ZNF609: variants seen among roughly 807,000 people sequenced by gnomAD.
ZNF609 encodes the protein zinc finger protein 609.
Under a neutral mutation model 109.5 loss-of-function variants are expected in ZNF609, and 11 were observed. That is an observed-to-expected ratio of 0.10 (90% CI 0.06 to 0.17). The LOEUF is 0.17. Ranked by LOEUF, ZNF609 falls within the 10% of genes least tolerant of loss-of-function variation. ZNF609 has a pLI of 1.00. For synonymous variants in ZNF609, 646 were observed against 662.0 expected (o/e 0.98, Z 0.37); for missense variants, 1,559 against 1,772.4 (o/e 0.88, Z 2.16).
At chr15:64,636,986 T>G (rs948430071) in intron 3 of ZNF609, among the ~76,000 whole-genome samples, 1 of 152,210 alleles carries the variant, frequency 6.6e-6, no homozygotes, top group Admixed American at 6.5e-5. Context: ...GAACACACCA[T>G]GTGATACCAG....
intron 1 of ZNF609, among the ~76,000 whole-genome samples, chr15:64,496,334 AT>A (rs1748727680): frequency 2.0e-5 from 3 of 152,172 alleles, no homozygotes; most frequent in African/African-American, 7.2e-5. Context: ...GGAAAGTTTT[AT>A]TGTTTTTCTA....
chr15:64,619,557 G>A (rs1316891650), intron 2 of ZNF609, among the ~76,000 whole-genome samples: 1 of 152,178 alleles, frequency 6.6e-6, no homozygotes, highest in Non-Finnish European at 1.5e-5. Context: ...AATGGAAAAT[G>A]AATAGTTCAA....
intron 5 of ZNF609, among the ~76,000 whole-genome samples, chr15:64,677,708 C>T (rs1442247384): frequency 6.6e-6 from 1 of 152,204 alleles, no homozygotes; most frequent in Non-Finnish European, 1.5e-5. Context: ...ATGCTTCCCT[C>T]CCTCCTCTGA....
intron 2 of ZNF609, among the ~76,000 whole-genome samples, chr15:64,564,890 C>T (rs1402132260): frequency 2.0e-5 from 3 of 151,622 alleles, no homozygotes; most frequent in African/African-American, 7.3e-5. Context: ...CTCTGTTGCC[C>T]AGGCTGGAGT....
intron 1 of ZNF609, among the ~76,000 whole-genome samples, chr15:64,464,540 T>C (rs2140326030): frequency 6.6e-6 from 1 of 152,340 alleles, no homozygotes; most frequent in East Asian, 1.9e-4. Flanking sequence ...AGTTTTCTTT[T>C]CAGTCTCTTA....
chr15:64,513,439 T>C (rs1011966526), intron 2 of ZNF609, among the ~76,000 whole-genome samples: 1 of 152,240 alleles, frequency 6.6e-6, no homozygotes, highest in African/African-American at 2.4e-5. Context: ...AGAAGGAGAC[T>C]GAGAAATTCT....
intron 2 of ZNF609, among the ~76,000 whole-genome samples, chr15:64,524,009 C>CG: frequency 6.8e-6 from 1 of 147,926 alleles, no homozygotes; most frequent in South Asian, 2.1e-4. Flanking sequence ...ACAGGTTATA[C>CG]GGGTTTTTTT....
Position 64,678,187 on chromosome 15 carries a change from G to A in ZNF609, c.3474G>A (p.Arg1158=), listed in dbSNP as rs760740607. The A allele has an allele frequency of 1.9e-6, 3 of 1,614,220 alleles. No homozygotes were observed. Among genetic ancestry groups the A allele is most frequent in the Admixed American group, 3.3e-5 (2 of 60,030 alleles). ...KYSDIKSEDE[R]WKEERDRKLK... ...CAGACATCAAGTCAGAGGATGAGCG[G>A]TGGAAGGAGGAGCGGGACCGCAAAT... The change falls in exon 6 of 10, where the codon CGG becomes CGA. Residue 1158 remains arginine (R), a synonymous_variant. Transcript: ENST00000326648.
chr15:64,621,871 G>A (rs978582035), intron 2 of ZNF609, among the ~76,000 whole-genome samples: 10 of 151,004 alleles, frequency 6.6e-5, no homozygotes, highest in Non-Finnish European at 1.0e-4. Context: ...GATTACAGGC[G>A]CCCACCACTA....
chr15:64,598,605 T>A (rs936575781), intron 2 of ZNF609, among the ~76,000 whole-genome samples: 1 of 151,600 alleles, frequency 6.6e-6, no homozygotes, highest in African/African-American at 2.4e-5. Context: ...AAAAATATGT[T>A]GTAGATATGT....
At chr15:64,665,249 A>C (rs1896629531) in intron 3 of ZNF609, among the ~76,000 whole-genome samples, 1 of 152,200 alleles carries the variant, frequency 6.6e-6, no homozygotes, top group Non-Finnish European at 1.5e-5. Flanking sequence ...AGGTAACAGG[A>C]TATTCTAAGA....
At chr15:64,539,579 C>T (rs1894214496) in intron 2 of ZNF609, among the ~76,000 whole-genome samples, 1 of 152,038 alleles carries the variant, frequency 6.6e-6, no homozygotes, top group African/African-American at 2.4e-5. Flanking sequence ...TCTCAGCTCA[C>T]TGCAACCTCC....
chr15:64,528,893 AC>A (rs1215291506), intron 2 of ZNF609: 13 of 1,024,900 alleles, frequency 1.3e-5, no homozygotes, highest in Non-Finnish European at 1.8e-5. Context: ...CTACTTCACC[AC>A]CTTCTTGATG....
At chr15:64,467,981 A>G (rs1333763901) in intron 1 of ZNF609, among the ~76,000 whole-genome samples, 1 of 151,762 alleles carries the variant, frequency 6.6e-6, no homozygotes. Context: ...ATATTGTCTA[A>G]GAGTGTTATG....
chr15:64,588,266 A>G (rs1212440870), intron 2 of ZNF609, among the ~76,000 whole-genome samples: 1 of 149,332 alleles, frequency 6.7e-6, no homozygotes, highest in Non-Finnish European at 1.5e-5. Flanking sequence ...AAATACAAAA[A>G]AAAAAAACAA....
chr15:64,584,665 C>A (rs113552003), intron 2 of ZNF609, among the ~76,000 whole-genome samples: 7,007 of 151,686 alleles, frequency 0.046, 538 homozygotes, highest in African/African-American at 0.16. Context: ...GAGTTTCACT[C>A]TTGTCCAGGC....
chr15:64,476,529 C>T (rs1440759574), intron 1 of ZNF609, among the ~76,000 whole-genome samples: 1 of 152,080 alleles, frequency 6.6e-6, no homozygotes, highest in African/African-American at 2.4e-5. Context: ...AGGCACTTCC[C>T]TGAGATTAGT....
chr15:64,479,060 C>G (rs1893212240), intron 1 of ZNF609, among the ~76,000 whole-genome samples: 1 of 152,010 alleles, frequency 6.6e-6, no homozygotes, highest in South Asian at 2.1e-4. Context: ...TAGGCCCTTC[C>G]AGTTGCAGAG....
intron 2 of ZNF609, among the ~76,000 whole-genome samples, chr15:64,535,062 A>G (rs925619692): frequency 2.0e-5 from 3 of 151,878 alleles, no homozygotes; most frequent in African/African-American, 7.3e-5. Context: ...ACTGTTATTT[A>G]TATAAATATG....
Sources: gnomAD v4.1 joint callset for allele counts (sites outside exome capture counted in the v4.1 genomes callset) on GRCh38, gnomAD v4.1.1 for gene constraint, MANE v1.5 for transcripts, NCBI Gene and HGNC (gene_info 2026-07-23, HGNC 2026-07-21) for gene names.